Variants in SHISA9 observed in about 807,000 individuals in gnomAD.
SHISA9 encodes the protein protein shisa-9.
In SHISA9, 13 loss-of-function variants were observed where a neutral mutation model predicts 38.0. The observed-to-expected ratio is 0.34, with a 90% CI of 0.22 to 0.54. SHISA9 has a LOEUF of 0.54. SHISA9 is among the 20% of genes least tolerant of loss of function. The pLI is 0.91. For missense variants in SHISA9, 538 were observed against 575.8 expected, an observed-to-expected ratio of 0.93 and a Z score of 0.67; for synonymous variants, 275 against 242.0, an observed-to-expected ratio of 1.14 and a Z score of -1.27.
chr16:13,310,189 G>C, the SHISA9 span, among the ~76,000 whole-genome samples: 2 of 152,224 alleles, frequency 1.3e-5, no homozygotes, highest in Admixed American at 1.3e-4. Flanking sequence ...CTCCCGGCCT[G>C]TTCTGTATTT....
the SHISA9 span, among the ~76,000 whole-genome samples, chr16:13,327,739 C>G: frequency 6.6e-6 from 1 of 152,026 alleles, no homozygotes; most frequent in African/African-American, 2.4e-5. Context: ...TCACTGAAAC[C>G]TCCGCCTCCC....
the SHISA9 span, among the ~76,000 whole-genome samples, chr16:13,341,675 C>T: frequency 1.3e-5 from 2 of 152,178 alleles, no homozygotes; most frequent in Admixed American, 6.5e-5. Flanking sequence ...CCTTTGCTAA[C>T]CTGTATTTGT....
the SHISA9 span, among the ~76,000 whole-genome samples, chr16:13,416,114 AG>A: frequency 8.6e-4 from 131 of 152,280 alleles, no homozygotes; most frequent in Middle Eastern, 0.01. Context: ...ACCGTTCTGT[AG>A]GTATATTCTA....
chr16:13,431,704 G>C, the SHISA9 span, among the ~76,000 whole-genome samples: 5 of 152,184 alleles, frequency 3.3e-5, no homozygotes, highest in Non-Finnish European at 7.3e-5. Context: ...CCTTCTCATA[G>C]TGAGTGCTTA....
chr16:13,516,225 A>T, the SHISA9 span, among the ~76,000 whole-genome samples: 2 of 152,248 alleles, frequency 1.3e-5, no homozygotes, highest in South Asian at 2.1e-4. Context: ...GTGAAGCAAG[A>T]TGGAAAATAA....
the SHISA9 span, among the ~76,000 whole-genome samples, chr16:13,353,974 G>C: frequency 1.3e-5 from 2 of 151,730 alleles, no homozygotes; most frequent in Non-Finnish European, 2.9e-5. Flanking sequence ...AGAAATGACT[G>C]CGGTGGCCTT....
intron 2 of SHISA9, among the ~76,000 whole-genome samples, chr16:13,166,415 G>A (rs1460222719): frequency 6.6e-6 from 1 of 152,158 alleles, no homozygotes; most frequent in Non-Finnish European, 1.5e-5. Context: ...CTTTGCTTTA[G>A]GATGAAGCGT....
At chr16:12,969,359 T>C (rs2072024028) in intron 2 of SHISA9, among the ~76,000 whole-genome samples, 1 of 151,534 alleles carries the variant, frequency 6.6e-6, no homozygotes, top group Non-Finnish European at 1.5e-5. Context: ...TTTTTTTTTT[T>C]TTTTCTGTCT....
At chr16:13,289,778 CTCA>C in the SHISA9 span, among the ~76,000 whole-genome samples, 8 of 152,124 alleles carry the variant, frequency 5.3e-5, no homozygotes, top group Non-Finnish European at 8.8e-5. Context: ...GCCCCAAACT[CTCA>C]TGTCTTTTTC....
rs2051416908 is a variant in SHISA9 at position 13,239,453 on chromosome 16, G to A, written c.*4044G>A. ...GTTGAACTAGTTTACAGTCCCACCA[G>A]CAGTGTAAAAGTGTTCCTATTTCTC... is the stretch of plus-strand genomic sequence containing the variant. On this transcript the variant is annotated 3_prime_UTR_variant, in exon 5 of 5. Coordinates refer to ENST00000558583, the MANE Select transcript of SHISA9 (RefSeq NM_001145204.3). The A allele has an allele frequency of 6.6e-6, 1 of 151,254 alleles. No individual in the cohort carries two copies. The highest frequency in any genetic ancestry group is 2.1e-4 in the South Asian group (1 of 4,752). 9.4% of individuals were successfully genotyped at this position (151,254 alleles called of 1,614,324 possible).
chr16:13,341,385 G>T, the SHISA9 span, among the ~76,000 whole-genome samples: 1 of 152,028 alleles, frequency 6.6e-6, no homozygotes, highest in East Asian at 1.9e-4. Context: ...TTGTATGAGT[G>T]GATTCCTCTT....
intron 2 of SHISA9, among the ~76,000 whole-genome samples, chr16:13,024,976 G>A (rs2072903148): frequency 6.6e-6 from 1 of 152,150 alleles, no homozygotes; most frequent in African/African-American, 2.4e-5. Flanking sequence ...GGGGAAGGAT[G>A]TCTTATCTCA....
chr16:12,922,326 C>G (rs1316278194), intron 2 of SHISA9, among the ~76,000 whole-genome samples: 1 of 152,218 alleles, frequency 6.6e-6, no homozygotes, highest in Non-Finnish European at 1.5e-5. Context: ...TCTCAATCAA[C>G]CCTCAAAGAG....
At chr16:13,119,261 G>T (rs1170774024) in intron 2 of SHISA9, among the ~76,000 whole-genome samples, 2 of 152,182 alleles carry the variant, frequency 1.3e-5, no homozygotes, top group Non-Finnish European at 2.9e-5. Context: ...GAAGGGAGGT[G>T]CTTTGCTCAA....
At chr16:13,314,620 G>C in the SHISA9 span, among the ~76,000 whole-genome samples, 2 of 151,968 alleles carry the variant, frequency 1.3e-5, no homozygotes, top group African/African-American at 4.8e-5. Context: ...AATGAATACA[G>C]TTTGATGAGT....
chr16:13,009,484 T>G (rs1331053131), intron 2 of SHISA9, among the ~76,000 whole-genome samples: 1 of 152,192 alleles, frequency 6.6e-6, no homozygotes, highest in African/African-American at 2.4e-5. Context: ...CTCCTCCATT[T>G]TCCCTGCCCT....
the SHISA9 span, among the ~76,000 whole-genome samples, chr16:13,344,871 G>C: frequency 2.0e-5 from 3 of 152,152 alleles, no homozygotes; most frequent in African/African-American, 7.2e-5. Context: ...CCTCAAAGGA[G>C]GCATTAGTCC....
the SHISA9 span, among the ~76,000 whole-genome samples, chr16:13,428,778 T>TTG: frequency 6.0e-5 from 9 of 150,810 alleles, no homozygotes; most frequent in Admixed American, 5.3e-4. Flanking sequence ...TTATTGTTTT[T>TTG]TTTTTTTTGA....
chr16:13,301,481 C>T, the SHISA9 span, among the ~76,000 whole-genome samples: 1 of 152,200 alleles, frequency 6.6e-6, no homozygotes, highest in African/African-American at 2.4e-5. Context: ...AAGTGTAAGT[C>T]ATATGCAGCT....
Sources: gnomAD v4.1 joint callset for allele counts (sites outside exome capture counted in the v4.1 genomes callset) on GRCh38, gnomAD v4.1.1 for gene constraint, MANE v1.5 for transcripts, NCBI Gene and HGNC (gene_info 2026-07-23, HGNC 2026-07-21) for gene names.